Variants in CBFA2T2 observed in about 807,000 individuals in gnomAD.
CBFA2T2 encodes the protein CBFA2/RUNX1 partner transcriptional co-repressor 2, also known as protein CBFA2T2.
A neutral mutation model predicts 62.2 loss-of-function variants in CBFA2T2; 11 were observed. The observed-to-expected ratio is 0.18, with a 90% confidence interval of 0.11 to 0.29. CBFA2T2 has a LOEUF of 0.29. CBFA2T2 is among the 10% of genes least tolerant of loss of function. The pLI, the probability that CBFA2T2 is intolerant of heterozygous loss-of-function variation, is 1.00. For synonymous variants in CBFA2T2, 295 were observed against 287.5 expected (o/e 1.03, Z -0.27); for missense variants, 592 against 774.1 (o/e 0.76, Z 2.79).
chr20:33,612,380 A>C (rs1330858492), intron 3 of CBFA2T2, among the ~76,000 whole-genome samples: 1 of 152,246 alleles, frequency 6.6e-6, no homozygotes, highest in Non-Finnish European at 1.5e-5. Flanking sequence ...GATGAATCAC[A>C]GCACTAATCC....
At chr20:33,550,030 T>C (rs899447983) in intron 1 of CBFA2T2, among the ~76,000 whole-genome samples, 6 of 152,194 alleles carry the variant, frequency 3.9e-5, no homozygotes, top group African/African-American at 1.4e-4. Context: ...ACCTGTCTTA[T>C]AGAATTTGGA....
Position 33,517,179 on chromosome 20 carries a change from T to A in CBFA2T2, c.34+26878T>A, listed in dbSNP as rs141816480. Among the ~76,000 whole-genome samples the A allele has an allele frequency of 1.3e-3, 203 of 152,334 alleles. 1 individual carries two copies. The highest frequency in any genetic ancestry group is 7.7e-4 in the East Asian group (4 of 5,188). On this transcript the variant is annotated intron_variant, in intron 1 of 10. Coordinates refer to ENST00000342704, the MANE Select transcript of CBFA2T2 (RefSeq NM_001032999.3). The stretch of plus-strand genomic sequence containing the variant: ...AATTACCTGTGGTTATAGGAGATGA[T>A]GTTTCTCTATCTGCCTGAAAGTGGA...
At chr20:33,561,035 G>A (rs1403853302) in intron 1 of CBFA2T2, among the ~76,000 whole-genome samples, 6 of 152,034 alleles carry the variant, frequency 3.9e-5, no homozygotes, top group Non-Finnish European at 7.4e-5. Context: ...GTACCAACAC[G>A]CCCAGCTAAT....
At chr20:33,533,078 CT>C (rs1194561099) in intron 1 of CBFA2T2, among the ~76,000 whole-genome samples, 1 of 152,108 alleles carries the variant, frequency 6.6e-6, no homozygotes, top group Non-Finnish European at 1.5e-5. Flanking sequence ...ACTTTTATCA[CT>C]TTTCCCCCCT....
chr20:33,632,145 G>A (rs909794725), intron 8 of CBFA2T2, among the ~76,000 whole-genome samples: 4 of 152,170 alleles, frequency 2.6e-5, no homozygotes, highest in Non-Finnish European at 5.9e-5. Context: ...CTGGGTTCAA[G>A]CCATTCTCTT....
At chr20:33,575,783 A>T (rs1367516026) in intron 1 of CBFA2T2, among the ~76,000 whole-genome samples, 1 of 151,974 alleles carries the variant, frequency 6.6e-6, no homozygotes, top group African/African-American at 2.4e-5. Flanking sequence ...GTTTATTTTT[A>T]TTTTTATTTT....
chr20:33,510,641 G>T (rs577465211), intron 1 of CBFA2T2, among the ~76,000 whole-genome samples: 1 of 152,252 alleles, frequency 6.6e-6, no homozygotes, highest in East Asian at 1.9e-4. Context: ...GATCCTTTGG[G>T]TATATGCCCA....
At chr20:33,611,699 G>A (rs2015535859) in intron 3 of CBFA2T2, among the ~76,000 whole-genome samples, 1 of 152,020 alleles carries the variant, frequency 6.6e-6, no homozygotes, top group African/African-American at 2.4e-5. Flanking sequence ...TATTTTGGTA[G>A]AGATGGGATC....
At chr20:33,546,386 T>G (rs1283205234) in intron 1 of CBFA2T2, among the ~76,000 whole-genome samples, 1 of 151,758 alleles carries the variant, frequency 6.6e-6, no homozygotes, top group Non-Finnish European at 1.5e-5. Flanking sequence ...TTTTTTGGTC[T>G]GAAAAATTAA....
At chr20:33,520,953 C>T (rs1419978919) in intron 1 of CBFA2T2, among the ~76,000 whole-genome samples, 1 of 147,550 alleles carries the variant, frequency 6.8e-6, no homozygotes, top group African/African-American at 2.6e-5. Flanking sequence ...TACACACACA[C>T]ACACTTTCAC....
At chr20:33,500,247 G>A (rs945695125) in intron 1 of CBFA2T2, among the ~76,000 whole-genome samples, 2 of 151,982 alleles carry the variant, frequency 1.3e-5, no homozygotes, top group East Asian at 1.9e-4. Context: ...GAGCCACTGC[G>A]CCCAGCCAAA....
intron 5 of CBFA2T2, 51 bp from the exon 6 acceptor site, chr20:33,624,713 G>T (rs761840191): frequency 6.3e-7 from 1 of 1,595,388 alleles, no homozygotes; most frequent in Non-Finnish European, 8.6e-7. Context: ...GGAAATGTCT[G>T]CATGAACACT....
chr20:33,563,733 A>G (rs2013178197), intron 1 of CBFA2T2, among the ~76,000 whole-genome samples: 1 of 152,098 alleles, frequency 6.6e-6, no homozygotes, highest in Non-Finnish European at 1.5e-5. Flanking sequence ...GCACATAGAA[A>G]GCATACAAGT....
At chr20:33,611,799 T>C (rs1313696909) in intron 3 of CBFA2T2, among the ~76,000 whole-genome samples, 2 of 152,178 alleles carry the variant, frequency 1.3e-5, no homozygotes, top group African/African-American at 4.8e-5. Context: ...ATAAGCATGA[T>C]GTTTAATTGT....
intron 3 of CBFA2T2, chr20:33,618,500 CAG>C (rs2015797840): frequency 6.6e-6 from 1 of 152,296 alleles, no homozygotes; most frequent in Admixed American, 6.5e-5. Context: ...TGGGAAAACA[CAG>C]AGGACGTCCA....
chr20:33,592,771 G>A (rs1421864177), intron 1 of CBFA2T2, among the ~76,000 whole-genome samples: 1 of 151,886 alleles, frequency 6.6e-6, no homozygotes, highest in African/African-American at 2.4e-5. Context: ...TATATGAATG[G>A]GTCACTGCCA....
intron 5 of CBFA2T2, 133 bp downstream of exon 5, chr20:33,623,429 G>C (rs1232351626): frequency 2.9e-6 from 3 of 1,025,396 alleles, no homozygotes; most frequent in Admixed American, 2.2e-5. Context: ...GCCTGGCTCT[G>C]TCGCCCAGAC....
chr20:33,591,482 A>G (rs557108495), intron 1 of CBFA2T2, among the ~76,000 whole-genome samples: 138 of 148,074 alleles, frequency 9.3e-4, no homozygotes, highest in Admixed American at 1.5e-3. Context: ...AAAAAAAAAA[A>G]AAAGAAAAAA....
intron 1 of CBFA2T2, among the ~76,000 whole-genome samples, chr20:33,495,386 CA>C (rs1214253879): frequency 4.9e-3 from 259 of 53,390 alleles, no homozygotes; most frequent in African/African-American, 8.3e-3. Context: ...AACTCTATCT[CA>C]AAAAAAAAAA....
Sources: allele counts gnomAD v4.1 joint callset (sites outside exome capture counted in the v4.1 genomes callset), GRCh38; gene constraint gnomAD v4.1.1; transcripts MANE v1.5; gene names NCBI Gene and HGNC (gene_info 2026-07-23, HGNC 2026-07-21).